Variants in SDAD1 observed in about 807,000 individuals in gnomAD.
SDAD1 encodes protein SDA1 homolog.
In SDAD1, 79 loss-of-function variants were observed where a neutral mutation model predicts 100.3. The ratio of observed to expected loss-of-function variants is 0.79; its 90% CI spans 0.66 to 0.95. The LOEUF is 0.95. Among genes scored for constraint, SDAD1 ranks in the 40% least tolerant of loss-of-function variants. The pLI is 0.00. For synonymous variants in SDAD1, 267 were observed against 271.4 expected (o/e 0.98, Z 0.16); for missense variants, 790 against 810.9 (o/e 0.97, Z 0.31).
In SDAD1 at chr4:75,970,365, T is replaced by C. The variant is rs1216376009; in HGVS notation, c.827A>G (p.Lys276Arg). 2 of 1,613,630 alleles carry C rather than the reference T, an allele frequency of 1.2e-6. No homozygotes were observed. The highest frequency in any genetic ancestry group is 1.7e-5 in the Admixed American group (1 of 60,006). The change falls in exon 10 of 22, where the codon AAG becomes AGG. Residue 276 changes from lysine to arginine, a missense_variant. Lys to Arg is a conservative substitution (Grantham distance 26, BLOSUM62 2). Coordinates refer to ENST00000356260, the MANE Select transcript of SDAD1 (RefSeq NM_018115.4). Reference sequence around the variant, plus strand: ...AAAGTTAAACACCTCTGGTTTTTTCTTCTTTTTTTGTTTCTGAAAGGGAGA... The same window carrying C: ...AAAGTTAAACACCTCTGGTTTTTTCCTCTTTTTTTGTTTCTGAAAGGGAGA... Reference protein sequence around the residue: ...AMKVLKKQKKKKKPEVFNFSA... With the variant: ...AMKVLKKQKKRKKPEVFNFSA...
At chr4:75,977,398 T>C (rs1207516471) in intron 4 of SDAD1, among the ~76,000 whole-genome samples, 1 of 152,114 alleles carries the variant, frequency 6.6e-6, no homozygotes, top group Non-Finnish European at 1.5e-5. Flanking sequence ...AGAATAATAA[T>C]AATGAGGATC....
chr4:75,966,523 GAATA>G (rs1211734867), intron 12 of SDAD1, among the ~76,000 whole-genome samples: 12 of 152,134 alleles, frequency 7.9e-5, no homozygotes, highest in African/African-American at 2.4e-4. Flanking sequence ...GTTAGATACT[GAATA>G]AATGTTAGTT....
At chr4:75,978,530 T>C in intron 3 of SDAD1, among the ~76,000 whole-genome samples, 1 of 151,952 alleles carries the variant, frequency 6.6e-6, no homozygotes, top group East Asian at 1.9e-4. Flanking sequence ...TACCACCAAC[T>C]CTTACATGTA....
At chr4:75,981,882 C>A in intron 2 of SDAD1, 51 bp downstream of exon 2, 1 of 1,239,776 alleles carries the variant, frequency 8.1e-7, no homozygotes, top group Non-Finnish European at 1.2e-6. Context: ...AAAAAACATT[C>A]AGCAAACTGT....
At chr4:75,970,699 G>C (rs986895796) in intron 9 of SDAD1, among the ~76,000 whole-genome samples, 1 of 152,182 alleles carries the variant, frequency 6.6e-6, no homozygotes, top group Non-Finnish European at 1.5e-5. Context: ...GAAGGACCTG[G>C]AGGGAGGGAC....
At chr4:75,960,595 T>A (rs1169594244) in intron 16 of SDAD1, among the ~76,000 whole-genome samples, 1 of 152,210 alleles carries the variant, frequency 6.6e-6, no homozygotes, top group Non-Finnish European at 1.5e-5. Context: ...AAGACACTGG[T>A]AGTTATTAGA....
chr4:75,964,078 T>G (rs963614555), intron 14 of SDAD1, 57 bp downstream of exon 14: 8 of 1,133,994 alleles, frequency 7.1e-6, no homozygotes, highest in Non-Finnish European at 1.1e-5. Context: ...TGGTAACTTA[T>G]AGCAAATCTA....
intron 1 of SDAD1, among the ~76,000 whole-genome samples, chr4:75,985,325 A>G (rs1445626059): frequency 6.6e-6 from 1 of 152,158 alleles, no homozygotes; most frequent in Non-Finnish European, 1.5e-5. Flanking sequence ...CAGATGCTCT[A>G]TGGGAACAGT....
chr4:75,955,625 A>G (rs1047430542), intron 21 of SDAD1, among the ~76,000 whole-genome samples: 10 of 152,242 alleles, frequency 6.6e-5, no homozygotes, highest in African/African-American at 2.4e-4. Flanking sequence ...TTTTGATATT[A>G]TATTTCACAG....
At chr4:75,962,022 A>G (rs564745483) in intron 14 of SDAD1, among the ~76,000 whole-genome samples, 3 of 152,250 alleles carry the variant, frequency 2.0e-5, no homozygotes, top group East Asian at 1.9e-4. Context: ...AACATTGGGT[A>G]TATCTCCTAA....
rs760545862 is a variant in SDAD1 at position 75,965,825 on chromosome 4, G to A, written c.1046-3C>T. 2.2e-5 allele frequency: 36 copies of A among 1,612,902 alleles called. No individual in the cohort carries two copies. Among genetic ancestry groups the A allele is most frequent in the African/African-American group, 5.3e-5 (4 of 74,846 alleles). ...AAACAGAAGGATCTTGGTTACTTCT[G>A]AAAACATAAGAGAACAGAAAGGTCA... On this transcript the variant is annotated splice_polypyrimidine_tract_variant and splice_region_variant and intron_variant, in intron 12 of 21. Transcript: ENST00000356260.
At chr4:75,952,953 A>C (rs551673343) in intron 21 of SDAD1, among the ~76,000 whole-genome samples, 40 of 152,280 alleles carry the variant, frequency 2.6e-4, no homozygotes, top group African/African-American at 9.1e-4. Context: ...TTTATTTTTA[A>C]GTGATATATG....
At chr4:75,970,229 T>C (rs924702224) in intron 10 of SDAD1, 80 bp downstream of exon 10, 1 of 1,168,436 alleles carries the variant, frequency 8.6e-7, no homozygotes, top group Non-Finnish European at 1.3e-6. Context: ...GGATCTTATA[T>C]TCCCTGAAAA....
chr4:75,987,374 C>T (rs1460570259), intron 1 of SDAD1, among the ~76,000 whole-genome samples: 1 of 152,172 alleles, frequency 6.6e-6, no homozygotes, highest in Non-Finnish European at 1.5e-5. Flanking sequence ...TATTCATATA[C>T]ATTTCATATA....
At chr4:75,981,229 T>G in intron 3 of SDAD1, 143 bp downstream of exon 3, 1 of 746,256 alleles carries the variant, frequency 1.3e-6, no homozygotes, top group Non-Finnish European at 2.1e-6. Context: ...TGAGAAGCCA[T>G]AGAAGGATTT....
intron 6 of SDAD1, among the ~76,000 whole-genome samples, chr4:75,974,935 G>C (rs1005623564): frequency 4.0e-5 from 6 of 151,320 alleles, no homozygotes; most frequent in Admixed American, 1.3e-4. Context: ...CCAGCTACTC[G>C]GGAGGCTGAG....
chr4:75,960,648 CTCTT>C (rs1184498765), intron 16 of SDAD1, among the ~76,000 whole-genome samples: 2 of 152,158 alleles, frequency 1.3e-5, no homozygotes, highest in Non-Finnish European at 1.5e-5. Context: ...AACGTCATCT[CTCTT>C]TCTGTTACAT....
intron 17 of SDAD1, among the ~76,000 whole-genome samples, chr4:75,958,774 A>G (rs979292681): frequency 2.7e-5 from 4 of 150,252 alleles, no homozygotes; most frequent in Non-Finnish European, 5.9e-5. Context: ...CTGGCTCATC[A>G]GTCACCATCT....
At chr4:75,983,458 T>G (rs1409089977) in intron 1 of SDAD1, among the ~76,000 whole-genome samples, 3 of 152,332 alleles carry the variant, frequency 2.0e-5, no homozygotes, top group Non-Finnish European at 2.9e-5. Flanking sequence ...GCATCTGCTG[T>G]TTCCTGACTT....
Sources: allele counts gnomAD v4.1 joint callset (sites outside exome capture counted in the v4.1 genomes callset), GRCh38; gene constraint gnomAD v4.1.1; transcripts MANE v1.5; gene names NCBI Gene and HGNC (gene_info 2026-07-23, HGNC 2026-07-21).